Variants in SCTR observed in about 807,000 individuals in gnomAD.
SCTR encodes pancreatic secretin receptor.
A neutral mutation model predicts 60.8 loss-of-function variants in SCTR; 56 were observed. The ratio of observed to expected loss-of-function variants is 0.92; its 90% CI spans 0.74 to 1.15. The LOEUF is 1.15. Ranked by LOEUF, SCTR falls within the 50% of genes most tolerant of loss-of-function variation. The pLI, the probability that SCTR is intolerant of heterozygous loss-of-function variation, is 0.00. For synonymous variants in SCTR, 202 were observed against 217.0 expected, an observed-to-expected ratio of 0.93 and a Z score of 0.61; for missense variants, 562 against 550.4, an observed-to-expected ratio of 1.02 and a Z score of -0.21.
intron 2 of SCTR, among the ~76,000 whole-genome samples, chr2:119,492,696 C>T (rs963050639): frequency 2.0e-5 from 3 of 152,138 alleles, no homozygotes; most frequent in Non-Finnish European, 2.9e-5. Flanking sequence ...ACCTGTACCC[C>T]TCAAGCAATC....
At chr2:119,447,311 G>T (rs1414421279) in intron 10 of SCTR, among the ~76,000 whole-genome samples, 2 of 152,036 alleles carry the variant, frequency 1.3e-5, no homozygotes, top group East Asian at 3.9e-4. Context: ...GCCAAACTTA[G>T]CAAATAAAAA....
chr2:119,478,526 A>C (rs1677441436), intron 3 of SCTR, among the ~76,000 whole-genome samples: 1 of 152,190 alleles, frequency 6.6e-6, no homozygotes, highest in Non-Finnish European at 1.5e-5. Flanking sequence ...GAAGGAAGGA[A>C]GAGAGCTCCT....
At chr2:119,448,451 A>G (rs958521739) in intron 10 of SCTR, among the ~76,000 whole-genome samples, 2 of 152,108 alleles carry the variant, frequency 1.3e-5, no homozygotes, top group Non-Finnish European at 2.9e-5. Flanking sequence ...CAAGGATAAG[A>G]TCTCTCTGCC....
chr2:119,497,920 G>A (rs563123596), intron 1 of SCTR, among the ~76,000 whole-genome samples: 1 of 152,224 alleles, frequency 6.6e-6, no homozygotes, highest in South Asian at 2.1e-4. Flanking sequence ...TCATTTCTTA[G>A]GAGTTTCAGA....
At chr2:119,470,580 AAATTTCAGCTCCTTGG>A (rs1170822804) in intron 4 of SCTR, among the ~76,000 whole-genome samples, 1 of 152,200 alleles carries the variant, frequency 6.6e-6, no homozygotes, top group Non-Finnish European at 1.5e-5. Context: ...TTCCTTTATG[AAATTTCAGCTCCTTGG>A]TTTGGGGATT....
chr2:119,509,438 A>G lies in SCTR; in HGVS notation c.72+14717T>C, dbSNP rs139658762. Among the ~76,000 whole-genome samples, 4 of 152,322 alleles carry G rather than the reference A, an allele frequency of 2.6e-5. No individual in the cohort carries two copies. The East Asian group carries it at 5.8e-4, about 22-fold the overall frequency. On this transcript the variant is annotated intron_variant, in intron 1 of 12. Coordinates refer to ENST00000019103, the MANE Select transcript of SCTR (RefSeq NM_002980.3). ...TGAGGTTTCCCAAAAGTAGATGTCA[A>G]TTTCCACTGTAAGAGTTGAAAGTCC...
chr2:119,464,201 G>A lies in SCTR; in HGVS notation c.558C>T (p.Ile186=), dbSNP rs760058051. 1 of 1,614,066 alleles carries A rather than the reference G, an allele frequency of 6.2e-7. No homozygotes were observed. Among genetic ancestry groups the A allele is most frequent in the African/African-American group, 1.3e-5 (1 of 74,926 alleles). Residue 186 remains isoleucine (I), a synonymous_variant, in exon 6 of 13, where the codon ATC becomes ATT. Transcript: ENST00000019103. The stretch of plus-strand genomic sequence containing the variant: ...TGATGAAGTTGGACAGGGCACGAAG[G>A]ATGAAGGACACGAACAGGTGCATGT... ...YIHMHLFVSF[I]LRALSNFIKD... is the part of the protein sequence containing the mutation.
chr2:119,508,974 C>G (rs1678849212), intron 1 of SCTR, among the ~76,000 whole-genome samples: 1 of 152,184 alleles, frequency 6.6e-6, no homozygotes, highest in African/African-American at 2.4e-5. Context: ...CTGCCAAGGA[C>G]AGGAAAGAAG....
intron 1 of SCTR, among the ~76,000 whole-genome samples, chr2:119,509,654 T>C (rs567861454): frequency 1.3e-5 from 2 of 152,320 alleles, no homozygotes; most frequent in East Asian, 3.9e-4. Flanking sequence ...TTAACTGTGG[T>C]AAAATATACA....
intron 2 of SCTR, chr2:119,480,876 G>A (rs1464603413): frequency 1.3e-5 from 2 of 152,386 alleles, no homozygotes; most frequent in African/African-American, 4.8e-5. Flanking sequence ...ACATGGTGCA[G>A]GGCAGAGCCC....
intron 1 of SCTR, among the ~76,000 whole-genome samples, chr2:119,507,713 T>G (rs1416701247): frequency 1.4e-5 from 2 of 145,046 alleles, no homozygotes; most frequent in African/African-American, 5.1e-5. Context: ...TCTGGCTCTG[T>G]CGCCCAGGCT....
In SCTR at chr2:119,478,853, C is replaced by T; in HGVS notation, c.259G>A (p.Val87Met). 6.2e-7 allele frequency: 1 copy of T among 1,614,158 alleles called. No homozygotes were observed. Among genetic ancestry groups the T allele is most frequent in the Non-Finnish European group, 8.5e-7 (1 of 1,180,032 alleles). Residue 87 changes from valine (V) to methionine (M), a missense_variant, in exon 3 of 13, where the codon GTG becomes ATG. Transcript: ENST00000019103. Reference sequence around the variant, plus strand: ...ATCCGGAGGAATCTCGGGCATTCCACCTCCACCATCCGGCCCGGCACAGAA... The same window carrying T: ...ATCCGGAGGAATCTCGGGCATTCCATCTCCACCATCCGGCCCGGCACAGAA... Reference protein sequence around the residue: ...PSSVPGRMVEVECPRFLRMLT... With the variant: ...PSSVPGRMVEMECPRFLRMLT...
intron 2 of SCTR, among the ~76,000 whole-genome samples, chr2:119,483,243 C>G (rs1191158395): frequency 1.3e-5 from 2 of 152,192 alleles, no homozygotes; most frequent in Non-Finnish European, 2.9e-5. Context: ...CATCAGACAT[C>G]CTGGAGCTGA....
At chr2:119,504,573 AAAGT>A (rs1444351401) in intron 1 of SCTR, among the ~76,000 whole-genome samples, 1 of 152,176 alleles carries the variant, frequency 6.6e-6, no homozygotes, top group Non-Finnish European at 1.5e-5. Flanking sequence ...CCTGGGTGAC[AAAGT>A]AAGACTCTGT....
chr2:119,491,092 C>T (rs901054481), intron 2 of SCTR, among the ~76,000 whole-genome samples: 2 of 152,210 alleles, frequency 1.3e-5, no homozygotes, highest in East Asian at 1.9e-4. Flanking sequence ...ACAATGACAT[C>T]GTATCCAGTC....
At chr2:119,516,736 G>A (rs1435736475) in intron 1 of SCTR, among the ~76,000 whole-genome samples, 2 of 152,178 alleles carry the variant, frequency 1.3e-5, no homozygotes, top group South Asian at 2.1e-4. Context: ...GAGGTGGGCT[G>A]ATCACCTGAG....
At chr2:119,467,372 CA>C (rs554916912) in intron 4 of SCTR, among the ~76,000 whole-genome samples, 982 of 85,362 alleles carry the variant, frequency 0.012, 8 homozygotes, top group African/African-American at 0.031. Context: ...GACCCTGTCT[CA>C]AAAAAAAAAA....
chr2:119,485,118 C>T (rs995202559), intron 2 of SCTR, among the ~76,000 whole-genome samples: 1 of 152,240 alleles, frequency 6.6e-6, no homozygotes, highest in African/African-American at 2.4e-5. Context: ...AGGCGAGATC[C>T]CCCTGAACGT....
rs373541885 is a variant in SCTR, at chr2:119,461,927, C to T, written c.710G>A (p.Gly237Asp). 3.1e-6 allele frequency: 5 copies of T among 1,613,930 alleles called. No homozygotes were observed. Among genetic ancestry groups the T allele is most frequent in the South Asian group, 1.1e-5 (1 of 91,036 alleles). The change falls in exon 7 of 13, where the codon GGC becomes GAC. Residue 237 changes from glycine to aspartate, a missense_variant. By Grantham distance (94) the Gly-to-Asp change is moderately conservative. Coordinates refer to ENST00000019103, the MANE Select transcript of SCTR (RefSeq NM_002980.3). ...MANYSWLLVE[G>D]LYLHTLLAIS... Reference sequence around the variant, plus strand: ...GGCGAGGAGTGTGTGAAGGTAGAGGCCTTCCACCAGCAGCCAGGAGTAGTT... The same window carrying T: ...GGCGAGGAGTGTGTGAAGGTAGAGGTCTTCCACCAGCAGCCAGGAGTAGTT...
Sources: allele counts gnomAD v4.1 joint callset (sites outside exome capture counted in the v4.1 genomes callset), GRCh38; gene constraint gnomAD v4.1.1; transcripts MANE v1.5; gene names NCBI Gene and HGNC (gene_info 2026-07-23, HGNC 2026-07-21).